The following TMOD1 variants were observed in gnomAD, a reference collection of about 807,000 sequenced individuals.
TMOD1 encodes the protein tropomodulin-1.
TMOD1 carries 17 observed loss-of-function variants against 40.6 expected under a neutral mutation model. The ratio of observed to expected loss-of-function variants is 0.42; its 90% confidence interval spans 0.29 to 0.63. The LOEUF (loss-of-function observed/expected upper bound fraction) is 0.63, where lower values mean the gene tolerates loss of function less well. TMOD1 is among the 20% of genes least tolerant of loss of function. The pLI is 0.22. For missense variants in TMOD1, 391 were observed against 447.6 expected, an observed-to-expected ratio of 0.87 and a Z score of 1.14; for synonymous variants, 181 against 175.0, an observed-to-expected ratio of 1.03 and a Z score of -0.27.
At chr9:97,546,929 C>CACAAA (rs1830369877) in intron 3 of TMOD1, among the ~76,000 whole-genome samples, 1 of 55,188 alleles carries the variant, frequency 1.8e-5, no homozygotes. Context: ...ACTCCGTCTC[C>CACAAA]AAAAAAAAAA....
At chr9:97,506,002 G>A (rs1022555893) in intron 1 of TMOD1, among the ~76,000 whole-genome samples, 2 of 152,078 alleles carry the variant, frequency 1.3e-5, no homozygotes, top group African/African-American at 4.8e-5. Context: ...CTAAGACCGG[G>A]CCTCAAGCTA....
At position 97,580,779 on chromosome 9, in the gene TMOD1, T is replaced by C. The variant is rs1825733178; in HGVS notation, c.871-10512T>C. ...ATATTTCCATCACAGGGATCTCTCATATTGCCCTTTTGTAGCCAAGTTCAC... is the reference window on the plus strand; with the variant it reads ...ATATTTCCATCACAGGGATCTCTCACATTGCCCTTTTGTAGCCAAGTTCAC... On this transcript the variant is annotated intron_variant, in intron 8 of 9. Coordinates refer to ENST00000259365, the MANE Select transcript of TMOD1 (RefSeq NM_003275.4). 2.0e-5 allele frequency among the ~76,000 whole-genome samples: 3 copies of C among 152,150 alleles called. No homozygotes were observed. In the South Asian group the frequency reaches 6.2e-4, roughly 32 times the overall value.
At position 97,599,663 on chromosome 9, in the gene TMOD1, G is replaced by C; in HGVS notation, c.1045G>C (p.Gly349Arg). 6.2e-7 allele frequency: 1 copy of C among 1,614,194 alleles called. No homozygotes were observed. Among genetic ancestry groups the C allele is most frequent in the African/African-American group, 1.3e-5 (1 of 75,048 alleles). The change falls in exon 10 of 10, where the codon GGG (glycine) becomes CGG (arginine). Residue 349 changes from glycine (G) to arginine (R), a missense_variant. Transcript: ENST00000259365. ...GAAGAGGAGGCTTGCGGACCTGACT[G>C]GGCCCATCATTCCCAAGTGCCGGAG... ...VRKRRLADLT[G>R]PIIPKCRSGV
chr9:97,580,169 G>A (rs770777902), intron 8 of TMOD1, among the ~76,000 whole-genome samples: 3 of 152,226 alleles, frequency 2.0e-5, no homozygotes, highest in Non-Finnish European at 4.4e-5. Context: ...CTGGGACACA[G>A]TAAATTGCAG....
chr9:97,549,742 CT>C (rs1830418978), intron 3 of TMOD1, among the ~76,000 whole-genome samples: 1 of 152,254 alleles, frequency 6.6e-6, no homozygotes, highest in South Asian at 2.1e-4. Context: ...GAATATCTTT[CT>C]GGACATTTCT....
At chr9:97,575,394 C>T (rs1456155674) in intron 8 of TMOD1, among the ~76,000 whole-genome samples, 1 of 152,208 alleles carries the variant, frequency 6.6e-6, no homozygotes, top group Non-Finnish European at 1.5e-5. Flanking sequence ...ACACTCACCT[C>T]GAGGGTCCGC....
intron 8 of TMOD1, among the ~76,000 whole-genome samples, chr9:97,589,359 C>A (rs1010026406): frequency 2.7e-5 from 4 of 146,824 alleles, no homozygotes; most frequent in South Asian, 2.2e-4. Context: ...CTGCTCACTG[C>A]AACCTCTGCC....
At chr9:97,582,585 T>C (rs1034475840) in intron 8 of TMOD1, among the ~76,000 whole-genome samples, 15 of 129,144 alleles carry the variant, frequency 1.2e-4, no homozygotes, top group Non-Finnish European at 1.7e-4. Flanking sequence ...GTAAATTACC[T>C]TGGGCAGTAT....
chr9:97,582,580 T>C (rs1195152444), intron 8 of TMOD1, among the ~76,000 whole-genome samples: 1 of 131,498 alleles, frequency 7.6e-6, no homozygotes, highest in East Asian at 2.1e-4. Flanking sequence ...AATCTGTAAA[T>C]TACCTTGGGC....
At position 97,601,197 on chromosome 9, in the gene TMOD1, A is replaced by G. The variant is rs891107101; in HGVS notation, c.*1499A>G. The G allele has an allele frequency of 2.3e-5, 30 of 1,295,832 alleles. No homozygotes were observed. Among genetic ancestry groups the G allele is most frequent in the Non-Finnish European group, 2.7e-5 (27 of 983,938 alleles). 80.3% of individuals were successfully genotyped at this position (1,295,832 alleles called of 1,614,324 possible). On this transcript the variant is annotated 3_prime_UTR_variant, in exon 10 of 10. Coordinates refer to ENST00000259365, the MANE Select transcript of TMOD1 (RefSeq NM_003275.4). ...TGGCTTCTCCTTAAAACACAATTGCAGCTGCATTCTGCATCGCTGAAAACT... is the reference window on the plus strand; with the variant it reads ...TGGCTTCTCCTTAAAACACAATTGCGGCTGCATTCTGCATCGCTGAAAACT...
chr9:97,510,390 C>T (rs188315153), intron 1 of TMOD1, among the ~76,000 whole-genome samples: 60 of 152,256 alleles, frequency 3.9e-4, no homozygotes, highest in Non-Finnish European at 7.8e-4. Flanking sequence ...ACCACCACGC[C>T]TGGCTAATTT....
At chr9:97,581,712 T>A (rs927145991) in intron 8 of TMOD1, among the ~76,000 whole-genome samples, 2 of 151,862 alleles carry the variant, frequency 1.3e-5, no homozygotes, top group Non-Finnish European at 2.9e-5. Context: ...TGGTATCTCA[T>A]TGTGGTTTTG....
chr9:97,514,243 G>GGGGT (rs142479676), intron 1 of TMOD1, among the ~76,000 whole-genome samples: 3 of 143,252 alleles, frequency 2.1e-5, no homozygotes, highest in Admixed American at 7.0e-5. Flanking sequence ...TTTTTTTTGG[G>GGGGT]GGGGGGGTTG....
intron 1 of TMOD1, among the ~76,000 whole-genome samples, chr9:97,510,527 G>A (rs987426547): frequency 1.3e-5 from 2 of 152,150 alleles, no homozygotes; most frequent in African/African-American, 2.4e-5. Context: ...CACCACACCC[G>A]GTCTACAGGT....
At chr9:97,539,971 C>CA (rs34844299) in intron 2 of TMOD1, among the ~76,000 whole-genome samples, 37,211 of 71,960 alleles carry the variant, frequency 0.52, 8,786 homozygotes, top group East Asian at 0.65. Flanking sequence ...GACTCTGTCT[C>CA]AAAAAAAAAA....
intron 1 of TMOD1, among the ~76,000 whole-genome samples, chr9:97,507,264 T>TCAGAAGTG (rs1440428484): frequency 1.3e-5 from 2 of 152,060 alleles, no homozygotes; most frequent in African/African-American, 4.8e-5. Context: ...TCAAAACCAC[T>TCAGAAGTG]CAGAAGTGTG....
At chr9:97,596,965 T>C (rs534203640) in intron 9 of TMOD1, among the ~76,000 whole-genome samples, 1 of 152,382 alleles carries the variant, frequency 6.6e-6, no homozygotes, top group South Asian at 2.1e-4. Context: ...TGGTTCCTGT[T>C]ATACTGTGTC....
chr9:97,555,724 C>A, intron 4 of TMOD1: 1 of 1,521,288 alleles, frequency 6.6e-7, no homozygotes, highest in Non-Finnish European at 8.9e-7. Flanking sequence ...GAGTTGCTCT[C>A]AAGACCTTAT....
At chr9:97,535,684 G>A (rs556297420) in intron 2 of TMOD1, among the ~76,000 whole-genome samples, 15 of 152,358 alleles carry the variant, frequency 9.8e-5, no homozygotes, top group Middle Eastern at 6.8e-3. Context: ...AAGCCAGGGA[G>A]GGAAGGTTTG....
Sources: allele counts gnomAD v4.1 joint callset (sites outside exome capture counted in the v4.1 genomes callset), GRCh38; gene constraint gnomAD v4.1.1; transcripts MANE v1.5; gene names NCBI Gene and HGNC (gene_info 2026-07-23, HGNC 2026-07-21).